C9: variants seen among roughly 807,000 people sequenced by gnomAD.
C9 encodes complement C9, also known as complement component C9.
Under a neutral mutation model 65.4 loss-of-function variants are expected in C9, and 63 were observed. That is an observed-to-expected ratio of 0.96 (90% CI 0.79 to 1.19). The LOEUF is 1.19. Ranked by LOEUF, C9 falls within the 50% of genes most tolerant of loss-of-function variation. The pLI, the probability that C9 is intolerant of heterozygous loss-of-function variation, is 0.00. For missense variants in C9, 744 were observed against 670.1 expected (o/e 1.11, Z -1.22); for synonymous variants, 229 against 227.9 (o/e 1.00, Z -0.04).
In C9 at chr5:39,311,359, C is replaced by T. The variant is rs1270285264; in HGVS notation, c.889G>A (p.Val297Met). 8 of 1,612,246 alleles carry T rather than the reference C, an allele frequency of 5.0e-6. 1 individual carries two copies. Among genetic ancestry groups the T allele is most frequent in the East Asian group, 2.2e-5 (1 of 44,860 alleles). ...CTTCCCAGATGAATTTCTCCTTTCA[C>T]ATGCAGAAACATTTTTTCCTGTGTT... ...SSKKEKMFLH[V>M]KGEIHLGRFV... The change falls in exon 7 of 11, where the codon GTG (valine) becomes ATG (methionine). Residue 297 changes from valine to methionine, a missense_variant. By Grantham distance (21) the Val-to-Met change is conservative (BLOSUM62 1). Transcript: ENST00000263408.
chr5:39,289,162 C>T (rs1336273032), intron 9 of C9, among the ~76,000 whole-genome samples: 1 of 151,222 alleles, frequency 6.6e-6, no homozygotes, highest in East Asian at 1.9e-4. Context: ...GTTAAGGAGG[C>T]TGATATTAAT....
chr5:39,305,953 G>C (rs940701685), intron 9 of C9, among the ~76,000 whole-genome samples: 2 of 152,054 alleles, frequency 1.3e-5, no homozygotes, highest in South Asian at 4.1e-4. Context: ...TTGAGGCCAG[G>C]AGTTTGAGAC....
chr5:39,341,763 G>T (rs1754090618), intron 2 of C9, 63 bp from the exon 3 acceptor site: 3 of 1,460,660 alleles, frequency 2.1e-6, no homozygotes, highest in African/African-American at 1.4e-5. Context: ...TGGTCTAAAG[G>T]TGCATCCATA....
At chr5:39,302,185 T>C (rs1753297570) in intron 9 of C9, among the ~76,000 whole-genome samples, 1 of 152,086 alleles carries the variant, frequency 6.6e-6, no homozygotes, top group South Asian at 2.1e-4. Context: ...CAAAGGAAAA[T>C]TAAAATGTAC....
At chr5:39,362,241 G>C (rs1270800404) in intron 1 of C9, among the ~76,000 whole-genome samples, 1 of 152,156 alleles carries the variant, frequency 6.6e-6, no homozygotes, top group African/African-American at 2.4e-5. Flanking sequence ...GGTCTTTACA[G>C]AGGTAATCAA....
chr5:39,351,401 C>T (rs544360816), intron 1 of C9, among the ~76,000 whole-genome samples: 1 of 152,332 alleles, frequency 6.6e-6, no homozygotes, highest in Admixed American at 6.5e-5. Context: ...AATTTCTCCC[C>T]AGAAAATGAG....
At chr5:39,292,621 A>T (rs1045715823) in intron 9 of C9, among the ~76,000 whole-genome samples, 1 of 151,880 alleles carries the variant, frequency 6.6e-6, no homozygotes, top group Admixed American at 6.6e-5. Context: ...AACATATATT[A>T]TCTACAGCAA....
intron 9 of C9, among the ~76,000 whole-genome samples, chr5:39,290,971 T>TATGTTTGAAATATAC (rs1298476002): frequency 4.6e-5 from 7 of 151,910 alleles, no homozygotes; most frequent in Non-Finnish European, 4.4e-5. Flanking sequence ...TATAAATATA[T>TATGTTTGAAATATAC]ATGTTTGAAA....
intron 6 of C9, among the ~76,000 whole-genome samples, chr5:39,314,425 G>A (rs1753537979): frequency 6.6e-6 from 1 of 151,374 alleles, no homozygotes; most frequent in Non-Finnish European, 1.5e-5. Flanking sequence ...CTGCAGCCTG[G>A]GCAACAAGAG....
chr5:39,311,344 G>T lies in C9; in HGVS notation c.904C>A (p.His302Asn), dbSNP rs1753481513. 6.2e-7 allele frequency: 1 copy of T among 1,612,274 alleles called. No homozygotes were observed. Among genetic ancestry groups the T allele is most frequent in the Admixed American group, 1.7e-5 (1 of 59,960 alleles). ...KMFLHVKGEI[H>N]LGRFVMRNRD... ...TTTCTCATTACAAATCTTCCCAGAT[G>T]AATTTCTCCTTTCACATGCAGAAAC... The change falls in exon 7 of 11, where the codon CAT becomes AAT. Residue 302 changes from histidine (H) to asparagine (N), a missense_variant. Physicochemically the swap from His to Asn is moderately conservative, Grantham distance 68. Transcript: ENST00000263408.
At chr5:39,346,906 A>G (rs1448925360) in intron 1 of C9, among the ~76,000 whole-genome samples, 18 of 152,234 alleles carry the variant, frequency 1.2e-4, no homozygotes, top group Non-Finnish European at 2.5e-4. Context: ...TATAAACAGA[A>G]ACAAAGACAA....
intron 9 of C9, among the ~76,000 whole-genome samples, chr5:39,292,614 A>G (rs1753116783): frequency 6.6e-6 from 1 of 151,872 alleles, no homozygotes; most frequent in Non-Finnish European, 1.5e-5. Context: ...TTGCTCTAAC[A>G]TATATTATCT....
At chr5:39,287,587 T>C (rs1339830266) in intron 10 of C9, among the ~76,000 whole-genome samples, 1 of 151,988 alleles carries the variant, frequency 6.6e-6, no homozygotes, top group Non-Finnish European at 1.5e-5. Flanking sequence ...TGTCCATCAA[T>C]GGATGATTGG....
chr5:39,344,929 C>T (rs498471), intron 1 of C9, among the ~76,000 whole-genome samples: 152,257 of 152,290 alleles, frequency 1, 76,112 homozygotes, highest in Middle Eastern at 1. Flanking sequence ...CTAAGCTTCA[C>T]AAGTGAAGGA....
rs41271047 is a variant in C9 at position 39,342,141 on chromosome 5, T to A, written c.133A>T (p.Met45Leu). 4,096 of 1,611,234 alleles carry A rather than the reference T, an allele frequency of 2.5e-3. 8 individuals carry two copies. Among genetic ancestry groups the A allele is most frequent in the Non-Finnish European group, 3.2e-3 (3,796 of 1,177,372 alleles). ...SGSASHIDCR[M>L]SPWSEWSQCD... ...TGTGACCATTCACTCCAGGGGCTCA[T>A]TCTGCAGTCTATGTGTGATGCAGAG... The change falls in exon 2 of 11, where the codon ATG becomes TTG. Residue 45 changes from methionine (M) to leucine (L), a missense_variant. Met to Leu is a conservative substitution (Grantham distance 15). Transcript: ENST00000263408.
chr5:39,315,088 C>T (rs190914221), intron 6 of C9, among the ~76,000 whole-genome samples: 1 of 152,128 alleles, frequency 6.6e-6, no homozygotes, highest in African/African-American at 2.4e-5. Flanking sequence ...CAGACCCATA[C>T]AAAACAATTA....
intron 1 of C9, 68 bp from the exon 2 acceptor site, chr5:39,342,264 AAC>A: frequency 1.2e-6 from 1 of 847,232 alleles, no homozygotes; most frequent in South Asian, 1.4e-5. Context: ...AGTCTTCATA[AAC>A]ACAGTTCATT....
intron 9 of C9, among the ~76,000 whole-genome samples, chr5:39,292,596 A>G (rs113791123): frequency 6.6e-6 from 1 of 152,022 alleles, no homozygotes; most frequent in African/African-American, 2.4e-5. Context: ...ATACCTTTCT[A>G]GTTTTAATTG....
At chr5:39,309,971 C>T (rs115945885) in intron 7 of C9, among the ~76,000 whole-genome samples, 1,707 of 152,170 alleles carry the variant, frequency 0.011, 33 homozygotes, top group African/African-American at 0.038. Context: ...CCTTCCCTTA[C>T]GTGATATCTC....
Sources: gnomAD v4.1 joint callset for allele counts (sites outside exome capture counted in the v4.1 genomes callset) on GRCh38, gnomAD v4.1.1 for gene constraint, MANE v1.5 for transcripts, NCBI Gene and HGNC (gene_info 2026-07-23, HGNC 2026-07-21) for gene names.